Variants in KCNQ1 observed in about 807,000 individuals in gnomAD.
The protein encoded by KCNQ1 is potassium voltage-gated channel subfamily KQT member 1.
KCNQ1 carries 49 observed loss-of-function variants against 72.4 expected under a neutral mutation model. The ratio of observed to expected loss-of-function variants is 0.68; its 90% CI spans 0.54 to 0.86. The LOEUF is 0.86. Ranked by LOEUF, KCNQ1 falls within the 40% of genes least tolerant of loss-of-function variation. KCNQ1 has a pLI of 0.00. For synonymous variants in KCNQ1, 450 were observed against 412.6 expected, an observed-to-expected ratio of 1.09 and a Z score of -1.10; for missense variants, 790 against 945.1, an observed-to-expected ratio of 0.84 and a Z score of 2.15.
rs1253965395 is a variant in KCNQ1 at position 2,608,328 on chromosome 11, T to TA, written c.1393+19475dup. 3 of 398,422 alleles carry TA rather than the reference T, an allele frequency of 7.5e-6. No homozygotes were observed. Among genetic ancestry groups the TA allele is most frequent in the Non-Finnish European group, 1.3e-5 (3 of 226,050 alleles). The allele number at this position is 398,422 out of a possible 1,614,324, so 24.7% of individuals were successfully genotyped here. A position where few individuals can be genotyped will look rare whatever the true frequency, so the allele number is the denominator to read the frequency against. On this transcript the variant is annotated intron_variant, in intron 10 of 15. Transcript: ENST00000155840. This position sits in a 1 kb window ranked among gnomAD's most constrained non-coding sequence, Gnocchi z 4.6. ...CCATTCACATTTTCTACTTATTTCT[T>TA]AGTCAGTTTTCATAGTTTTCATCTT...
At position 2,762,198 on chromosome 11, in the gene KCNQ1, G is replaced by A. The variant is rs546196219; in HGVS notation, c.1515-6646G>A. Among the ~76,000 whole-genome samples the A allele has an allele frequency of 3.9e-4, 59 of 152,338 alleles. 1 individual carries two copies. The Middle Eastern group carries it at 0.014, about 35-fold the overall frequency. ...AGGCCTGGGAGGGGGGCCTTCATGA[G>A]ACCATCACGGAGATCTTGGGGCCTC... is the stretch of plus-strand genomic sequence containing the variant. On this transcript the variant is annotated intron_variant, in intron 11 of 15. Transcript: ENST00000155840. The surrounding 1 kb of genome is among the most constrained non-coding windows in gnomAD (Gnocchi z 4.3).
At position 2,647,489 on chromosome 11, in the gene KCNQ1, T is replaced by C. The variant is rs917355459; in HGVS notation, c.1394-14472T>C. 1 of 398,490 alleles carries C rather than the reference T, an allele frequency of 2.5e-6. No homozygotes were observed. Among genetic ancestry groups the C allele is most frequent in the Admixed American group, 4.4e-5 (1 of 22,716 alleles). The allele number at this position is 398,490 out of a possible 1,614,324, so 24.7% of individuals were successfully genotyped here. A position where few individuals can be genotyped will look rare whatever the true frequency, so the allele number is the denominator to read the frequency against. ...CTGTTATTGTGTCCTTATCTGGTTT[T>C]GGTATCAAGATACTGCTTGCCTCAC... On this transcript the variant is annotated intron_variant, in intron 10 of 15. Transcript: ENST00000155840. The surrounding 1 kb of genome is among the most constrained non-coding windows in gnomAD (Gnocchi z 4.0).
intron 15 of KCNQ1, among the ~76,000 whole-genome samples, chr11:2,779,334 G>A (rs1471669148): frequency 6.6e-6 from 1 of 152,180 alleles, no homozygotes; most frequent in Non-Finnish European, 1.5e-5. Flanking sequence ...ACTCCTGGCT[G>A]GCACACCCAG....
At chr11:2,812,316 TC>T (rs1306519640) in intron 15 of KCNQ1, among the ~76,000 whole-genome samples, 5 of 151,780 alleles carry the variant, frequency 3.3e-5, no homozygotes, top group Non-Finnish European at 7.4e-5. Flanking sequence ...CTTCCCTCCT[TC>T]CCTCCCTCTC....
intron 15 of KCNQ1, among the ~76,000 whole-genome samples, chr11:2,807,994 C>G (rs1847413919): frequency 6.6e-6 from 1 of 152,228 alleles, no homozygotes; most frequent in African/African-American, 2.4e-5. Context: ...CAGGAACGGT[C>G]TCTCTGGGGG....
At chr11:2,522,222 G>A (rs958584837) in intron 1 of KCNQ1, among the ~76,000 whole-genome samples, 1 of 151,636 alleles carries the variant, frequency 6.6e-6, no homozygotes, top group Non-Finnish European at 1.5e-5. Context: ...GCATGACCAC[G>A]CCCTCTTGGG....
chr11:2,672,351 G>T, intron 11 of KCNQ1: 1 of 398,714 alleles, frequency 2.5e-6, no homozygotes, highest in Non-Finnish European at 4.4e-6. Flanking sequence ...AAGCAGTGTG[G>T]TGGGGCAGCC....
rs993170894 is a variant in KCNQ1 at position 2,703,021 on chromosome 11, T to G, written c.1514+40940T>G. Among the ~76,000 whole-genome samples the G allele has an allele frequency of 6.6e-6, 1 of 152,146 alleles. No individual in the cohort carries two copies. Among genetic ancestry groups the G allele is most frequent in the Non-Finnish European group, 1.5e-5 (1 of 68,012 alleles). ...ACAGGCCGAGACTGAGAGGGGTTTG[T>G]TGTCTCGTCGGGCGACAAGAGACAC... On this transcript the variant is annotated intron_variant, in intron 11 of 15. Transcript: ENST00000155840. The surrounding 1 kb of genome is among the most constrained non-coding windows in gnomAD (Gnocchi z 6.4).
intron 1 of KCNQ1, among the ~76,000 whole-genome samples, chr11:2,452,701 A>G (rs896210121): frequency 3.9e-5 from 6 of 152,236 alleles, no homozygotes; most frequent in Non-Finnish European, 8.8e-5. Flanking sequence ...CTCAAATATT[A>G]TAAAACATAC....
At position 2,562,778 on chromosome 11, in the gene KCNQ1, G is replaced by A. The variant is rs1305040727; in HGVS notation, c.478-7850G>A. Among the ~76,000 whole-genome samples, 1 of 152,186 alleles carries A rather than the reference G, an allele frequency of 6.6e-6. No individual in the cohort carries two copies. The highest frequency in any genetic ancestry group is 1.5e-5 in the Non-Finnish European group (1 of 68,046). ...GGCCTAAGTCTATGGGGGCGCCAGG[G>A]AGGCCGGCTGTGTTTCTGCATCCTT... On this transcript the variant is annotated intron_variant, in intron 2 of 15. Transcript: ENST00000155840. This position sits in a 1 kb window ranked among gnomAD's most constrained non-coding sequence, Gnocchi z 7.5.
At chr11:2,631,775 G>T in intron 10 of KCNQ1, 2 of 398,676 alleles carry the variant, frequency 5.0e-6, no homozygotes, top group Non-Finnish European at 8.8e-6. Flanking sequence ...GAGGTCAGCA[G>T]TGGCAAACAT....
In KCNQ1 at chr11:2,592,902, C is replaced by T. The variant is rs1019460388; in HGVS notation, c.1393+4048C>T. ...GAGCCGCATACTGGCCATGCTGCCT[C>T]GCTGTCCCTGCCTCAGAGCCACTGT... On this transcript the variant is annotated intron_variant, in intron 10 of 15. Coordinates refer to ENST00000155840, the MANE Select transcript of KCNQ1 (RefSeq NM_000218.3). The surrounding 1 kb of genome is among the most constrained non-coding windows in gnomAD (Gnocchi z 5.2). 2.0e-5 allele frequency among the ~76,000 whole-genome samples: 3 copies of T among 152,138 alleles called. No individual in the cohort carries two copies. The highest frequency in any genetic ancestry group is 2.9e-5 in the Non-Finnish European group (2 of 67,998).
rs4929996 is a variant in KCNQ1 at position 2,594,779 on chromosome 11, A to G, written c.1393+5925A>G. ...GTACCTTTCTCATATTTTAAACTAC[A>G]ACTTTTAATCTTTAGGTCATTTGAA... is the stretch of plus-strand genomic sequence containing the variant. On this transcript the variant is annotated intron_variant, in intron 10 of 15. Coordinates refer to ENST00000155840, the MANE Select transcript of KCNQ1 (RefSeq NM_000218.3). Among the ~76,000 whole-genome samples the G allele has an allele frequency of 1.1e-3, 160 of 152,268 alleles. 1 individual carries two copies. In the East Asian group the frequency reaches 0.026, roughly 24 times the overall value.
intron 15 of KCNQ1, among the ~76,000 whole-genome samples, chr11:2,844,538 C>T (rs1399495717): frequency 6.6e-6 from 1 of 152,244 alleles, no homozygotes; most frequent in Non-Finnish European, 1.5e-5. Flanking sequence ...AAGCTCGGCC[C>T]TGTGGCTGCC....
chr11:2,847,084 G>A (rs1848345958), intron 15 of KCNQ1, among the ~76,000 whole-genome samples: 1 of 152,132 alleles, frequency 6.6e-6, no homozygotes, highest in African/African-American at 2.4e-5. Context: ...ATGGTTCCTG[G>A]GGGATGACAA....
chr11:2,522,050 G>A (rs146530334), intron 1 of KCNQ1, among the ~76,000 whole-genome samples: 6 of 152,360 alleles, frequency 3.9e-5, no homozygotes, highest in East Asian at 1.9e-4. Context: ...CCGGGCACCC[G>A]GGGCTGAGAT....
At chr11:2,580,131 T>G (rs1391585952) in intron 6 of KCNQ1, among the ~76,000 whole-genome samples, 2 of 152,248 alleles carry the variant, frequency 1.3e-5, no homozygotes, top group Non-Finnish European at 2.9e-5. Context: ...CTGGGTTTGC[T>G]GGCGCCCCTT....
Position 2,622,459 on chromosome 11 carries a change from T to C in KCNQ1, c.1393+33605T>C, listed in dbSNP as rs142218361. The C allele has an allele frequency of 2.4e-3, 958 of 398,456 alleles. 4 individuals carry two copies. Among genetic ancestry groups the C allele is most frequent in the African/African-American group, 0.018 (855 of 48,750 alleles). 24.7% of individuals were successfully genotyped at this position (398,456 alleles called of 1,614,324 possible). On this transcript the variant is annotated intron_variant, in intron 10 of 15. Transcript: ENST00000155840. ...GTCTTTAGACCAAAAGTGAGTTTGT[T>C]ATATACAGCATAGGTTGATGGTTTT...
chr11:2,655,163 C>G, intron 10 of KCNQ1: 1 of 398,538 alleles, frequency 2.5e-6, no homozygotes, highest in Non-Finnish European at 4.4e-6. Flanking sequence ...GAGTTTGATT[C>G]CTGTTCTCTT....
Sources: allele counts gnomAD v4.1 joint callset (sites outside exome capture counted in the v4.1 genomes callset), GRCh38; gene constraint gnomAD v4.1.1; non-coding constraint Gnocchi (gnomAD v3.1); transcripts MANE v1.5; gene names NCBI Gene and HGNC (gene_info 2026-07-23, HGNC 2026-07-21).